Variants in MYO16 observed in about 807,000 individuals in gnomAD.
The protein encoded by MYO16 is unconventional myosin-XVI.
A neutral mutation model predicts 205.3 loss-of-function variants in MYO16; 94 were observed. The ratio of observed to expected loss-of-function variants is 0.46; its 90% CI spans 0.39 to 0.54. MYO16 has a LOEUF of 0.54. MYO16 is among the 20% of genes least tolerant of loss of function. The pLI is 0.00. For synonymous variants in MYO16, 988 were observed against 954.0 expected, an observed-to-expected ratio of 1.04 and a Z score of -0.66; for missense variants, 2,315 against 2,387.5, an observed-to-expected ratio of 0.97 and a Z score of 0.63.
At chr13:108,724,691 A>C (rs12429071) in intron 3 of MYO16, among the ~76,000 whole-genome samples, 37,414 of 151,986 alleles carry the variant, frequency 0.25, 5,697 homozygotes, top group African/African-American at 0.44. Flanking sequence ...TAGGATACAT[A>C]TTTGACATAA....
chr13:108,911,804 G>A (rs1242829837), intron 16 of MYO16, among the ~76,000 whole-genome samples: 2 of 152,206 alleles, frequency 1.3e-5, no homozygotes, highest in African/African-American at 2.4e-5. Flanking sequence ...TGGTGCAGGC[G>A]ATGAGGAATG....
At chr13:108,773,964 T>C (rs1886048941) in intron 4 of MYO16, among the ~76,000 whole-genome samples, 1 of 151,966 alleles carries the variant, frequency 6.6e-6, no homozygotes, top group South Asian at 2.1e-4. Context: ...TGGTGGTGAG[T>C]GCCTGTAATC....
At chr13:108,870,340 C>A (rs1878988542) in intron 12 of MYO16, among the ~76,000 whole-genome samples, 1 of 151,772 alleles carries the variant, frequency 6.6e-6, no homozygotes, top group Non-Finnish European at 1.5e-5. Flanking sequence ...AAAAGATAAG[C>A]CTCCAATTTT....
intron 1 of MYO16, among the ~76,000 whole-genome samples, chr13:108,635,562 A>C (rs2139365139): frequency 6.6e-6 from 1 of 150,998 alleles, no homozygotes; most frequent in East Asian, 2.0e-4. Context: ...GTGCAGTGGC[A>C]TGATCTTGGC....
At chr13:108,976,337 A>G (rs1046653986) in intron 20 of MYO16, among the ~76,000 whole-genome samples, 1 of 152,168 alleles carries the variant, frequency 6.6e-6, no homozygotes, top group Admixed American at 6.6e-5. Flanking sequence ...CAGGAGATAT[A>G]ATCTATTTTC....
chr13:109,143,935 T>C (rs1369685501), intron 32 of MYO16, among the ~76,000 whole-genome samples: 1 of 152,046 alleles, frequency 6.6e-6, no homozygotes, highest in African/African-American at 2.4e-5. Flanking sequence ...AACTTAGCAA[T>C]ACCAGACCAG....
At chr13:108,593,016 T>C (rs960166800), upstream of MYO16, among the ~76,000 whole-genome samples, 1 of 152,108 alleles carries the variant, frequency 6.6e-6, no homozygotes, top group Non-Finnish European at 1.5e-5. Flanking sequence ...TCCCTAGTGT[T>C]CGTCCCTGTG....
chr13:109,124,116 C>T (rs761098934), intron 29 of MYO16, among the ~76,000 whole-genome samples: 3 of 152,186 alleles, frequency 2.0e-5, no homozygotes, highest in Non-Finnish European at 4.4e-5. Flanking sequence ...ACTCAGGGCC[C>T]AGGAAGCAAC....
chr13:108,616,804 C>T lies in MYO16; in HGVS notation c.-39+20565C>T, dbSNP rs117432261. 3.3e-3 allele frequency among the ~76,000 whole-genome samples: 498 copies of T among 152,214 alleles called. 5 individuals are homozygous for T. Among genetic ancestry groups the T allele is most frequent in the Non-Finnish European group, 2.2e-3 (150 of 68,014 alleles). ...TAGGACCTATTCATTTATCTCCCTA[C>T]GTCTTAATTGAATATGAAAAGAGGA... On this transcript the variant is annotated intron_variant, in intron 1 of 24. Coordinates refer to the MYO16 transcript ENST00000251041.
rs535362225 is a variant in MYO16, at chr13:109,026,888, A to G, written c.2796+6977A>G. Among the ~76,000 whole-genome samples the G allele has an allele frequency of 6.6e-5, 10 of 152,282 alleles. No individual in the cohort carries two copies. The South Asian group carries it at 2.1e-3, about 32-fold the overall frequency. ...AGTACTTCTGTGACATTGTCACCAC[A>G]TTCTTGGATGTAAATATTACTATTT... On this transcript the variant is annotated intron_variant, in intron 23 of 34. Transcript: ENST00000457511.
intron 14 of MYO16, among the ~76,000 whole-genome samples, chr13:108,897,481 T>G (rs969117587): frequency 1.3e-5 from 2 of 151,978 alleles, no homozygotes; most frequent in African/African-American, 4.8e-5. Context: ...AAGAGAATAG[T>G]TGGTGTGAGG....
chr13:108,823,940 C>A (rs951964947), intron 9 of MYO16, among the ~76,000 whole-genome samples: 1 of 152,038 alleles, frequency 6.6e-6, no homozygotes, highest in Non-Finnish European at 1.5e-5. Context: ...CATATTCATT[C>A]ATTTTCAAAT....
intron 16 of MYO16, among the ~76,000 whole-genome samples, chr13:108,920,460 T>C (rs1881694872): frequency 6.6e-6 from 1 of 152,044 alleles, no homozygotes; most frequent in Admixed American, 6.6e-5. Context: ...TCTGTCTCTC[T>C]TTCTTTTTAA....
the MYO16 span, among the ~76,000 whole-genome samples, chr13:108,516,496 G>A: frequency 4.6e-5 from 7 of 152,234 alleles, no homozygotes; most frequent in Middle Eastern, 6.8e-3. Flanking sequence ...ATCTTGGCTC[G>A]GGAAGTGATA....
upstream of MYO16, among the ~76,000 whole-genome samples, chr13:108,625,534 A>G (rs1879702205): frequency 6.6e-6 from 1 of 152,068 alleles, no homozygotes; most frequent in African/African-American, 2.4e-5. Flanking sequence ...AGAGGTCTTG[A>G]CTCCATTCAC....
intron 13 of MYO16, among the ~76,000 whole-genome samples, chr13:108,886,133 G>A (rs536172905): frequency 5.3e-5 from 8 of 152,040 alleles, no homozygotes; most frequent in Non-Finnish European, 1.2e-4. Context: ...GACTACAGGC[G>A]CCCGCCATCA....
At chr13:108,951,781 G>A (rs1321824224) in intron 16 of MYO16, among the ~76,000 whole-genome samples, 1 of 152,116 alleles carries the variant, frequency 6.6e-6, no homozygotes, top group African/African-American at 2.4e-5. Context: ...CAGCACTTAA[G>A]ATCAAGACAC....
At chr13:108,777,361 G>T (rs978258651) in intron 4 of MYO16, among the ~76,000 whole-genome samples, 2 of 152,138 alleles carry the variant, frequency 1.3e-5, no homozygotes, top group African/African-American at 2.4e-5. Flanking sequence ...TAATTACAAA[G>T]GCGGGGGGTA....
chr13:108,926,246 T>C (rs1193129139), intron 16 of MYO16, among the ~76,000 whole-genome samples: 5 of 152,174 alleles, frequency 3.3e-5, no homozygotes, highest in African/African-American at 1.2e-4. Flanking sequence ...AGGCGACCAA[T>C]ACCAAGGAGT....
Sources: allele counts gnomAD v4.1 joint callset (sites outside exome capture counted in the v4.1 genomes callset), GRCh38; gene constraint gnomAD v4.1.1; transcripts MANE v1.5; gene names NCBI Gene and HGNC (gene_info 2026-07-23, HGNC 2026-07-21).